The following GALNT13 variants were observed in gnomAD, a reference collection of about 807,000 sequenced individuals.
GALNT13 encodes the protein polypeptide N-acetylgalactosaminyltransferase 13, also known as UDP-GalNAc:polypeptide N-acetylgalactosaminyltransferase 13.
A neutral mutation model predicts 64.2 loss-of-function variants in GALNT13; 28 were observed. That is an observed-to-expected ratio of 0.44 (90% CI 0.32 to 0.60). GALNT13 has a LOEUF of 0.60. GALNT13 is among the 20% of genes least tolerant of loss of function. GALNT13 has a pLI of 0.05. For synonymous variants in GALNT13, 214 were observed against 224.6 expected, an observed-to-expected ratio of 0.95 and a Z score of 0.42; for missense variants, 577 against 669.8, an observed-to-expected ratio of 0.86 and a Z score of 1.53.
chr2:153,715,551 CA>C, the GALNT13 span, among the ~76,000 whole-genome samples: 10 of 152,250 alleles, frequency 6.6e-5, no homozygotes, highest in Non-Finnish European at 1.5e-4. Context: ...ACTTTAAACA[CA>C]AAGCACTTTG....
intron 3 of GALNT13, among the ~76,000 whole-genome samples, chr2:153,975,762 GT>G: frequency 6.6e-6 from 1 of 152,186 alleles, no homozygotes; most frequent in Non-Finnish European, 1.5e-5. Context: ...GGTGGCTACA[GT>G]TCAGAAAACT....
At chr2:154,230,024 G>C (rs896651711) in intron 4 of GALNT13, among the ~76,000 whole-genome samples, 1 of 152,084 alleles carries the variant, frequency 6.6e-6, no homozygotes, top group Non-Finnish European at 1.5e-5. Flanking sequence ...AATAATTTAA[G>C]GGCTTGTTGA....
At chr2:153,614,087 T>C in the GALNT13 span, among the ~76,000 whole-genome samples, 8 of 152,132 alleles carry the variant, frequency 5.3e-5, no homozygotes, top group African/African-American at 1.9e-4. Flanking sequence ...GAAGGAACTA[T>C]AAACTGAGTG....
intron 3 of GALNT13, among the ~76,000 whole-genome samples, chr2:153,991,949 A>G (rs1695187263): frequency 1.3e-5 from 2 of 152,290 alleles, no homozygotes; most frequent in Non-Finnish European, 2.9e-5. Flanking sequence ...AGAGAAATAA[A>G]TAATGTGAAA....
the GALNT13 span, among the ~76,000 whole-genome samples, chr2:153,691,563 A>T: frequency 4.8e-4 from 73 of 152,298 alleles, no homozygotes; most frequent in African/African-American, 1.8e-3. Context: ...CCTGAAAAAG[A>T]TAACCATTAG....
At chr2:154,101,451 T>C (rs919667953) in intron 3 of GALNT13, among the ~76,000 whole-genome samples, 1 of 152,170 alleles carries the variant, frequency 6.6e-6, no homozygotes, top group Admixed American at 6.6e-5. Context: ...GAAATGTTCA[T>C]AGTAGTCTTT....
At chr2:154,337,740 C>T (rs1695536285) in intron 9 of GALNT13, among the ~76,000 whole-genome samples, 1 of 151,864 alleles carries the variant, frequency 6.6e-6, no homozygotes, top group Non-Finnish European at 1.5e-5. Flanking sequence ...AAACACAAAT[C>T]TAAATTTAAC....
chr2:153,380,559 C>G, the GALNT13 span, among the ~76,000 whole-genome samples: 1 of 151,066 alleles, frequency 6.6e-6, no homozygotes, highest in East Asian at 2.0e-4. Context: ...GGACTTGATA[C>G]TGTGGATTTT....
At chr2:154,340,896 ATGAGTGTG>A (rs1238738919) in intron 9 of GALNT13, among the ~76,000 whole-genome samples, 1,454 of 60,122 alleles carry the variant, frequency 0.024, 23 homozygotes, top group African/African-American at 0.057. Context: ...CTTTGTGTGT[ATGAGTGTG>A]TGTGTGTGTG....
the GALNT13 span, among the ~76,000 whole-genome samples, chr2:153,794,186 A>C: frequency 2.0e-5 from 3 of 152,204 alleles, no homozygotes; most frequent in African/African-American, 7.2e-5. Context: ...TAGGTTAATA[A>C]ACTTTTAAAT....
chr2:153,445,982 A>G, the GALNT13 span, among the ~76,000 whole-genome samples: 2 of 152,094 alleles, frequency 1.3e-5, no homozygotes, highest in East Asian at 1.9e-4. Flanking sequence ...ATTCCTTTAT[A>G]TGTTATTTAT....
At chr2:154,185,833 C>T (rs1045351075) in intron 4 of GALNT13, among the ~76,000 whole-genome samples, 1 of 151,972 alleles carries the variant, frequency 6.6e-6, no homozygotes, top group South Asian at 2.1e-4. Context: ...GACTCCATAT[C>T]AAGGTACTTT....
chr2:153,851,949 C>T, the GALNT13 span, among the ~76,000 whole-genome samples: 4 of 151,964 alleles, frequency 2.6e-5, no homozygotes, highest in Non-Finnish European at 5.9e-5. Flanking sequence ...AGCTGTATAC[C>T]ATATGTGAAT....
the GALNT13 span, among the ~76,000 whole-genome samples, chr2:153,273,047 T>C: frequency 1.3e-5 from 2 of 152,016 alleles, no homozygotes; most frequent in African/African-American, 4.8e-5. Flanking sequence ...AACCAAACAC[T>C]GCATATTCTC....
intron 3 of GALNT13, among the ~76,000 whole-genome samples, chr2:153,986,726 A>C (rs1294790445): frequency 6.6e-6 from 1 of 151,876 alleles, no homozygotes; most frequent in African/African-American, 2.4e-5. Context: ...AAGGGCTCAG[A>C]ATGCCTACGG....
chr2:153,908,674 T>C (rs1688741478), intron 2 of GALNT13, among the ~76,000 whole-genome samples: 3 of 152,102 alleles, frequency 2.0e-5, no homozygotes, highest in South Asian at 4.1e-4. Context: ...CTTTCTTTTG[T>C]TGACTTTGTG....
chr2:154,134,093 C>T (rs1191575711), intron 3 of GALNT13, among the ~76,000 whole-genome samples: 16 of 152,086 alleles, frequency 1.1e-4, no homozygotes, highest in Admixed American at 1.0e-3. Flanking sequence ...CATTTCTATT[C>T]TCGGTTAAGG....
At chr2:153,800,045 G>GCGCTCTCTCTCTCTCTCTCTCTCTCT in the GALNT13 span, among the ~76,000 whole-genome samples, 1 of 118,930 alleles carries the variant, frequency 8.4e-6, no homozygotes, top group Non-Finnish European at 1.8e-5. Flanking sequence ...CATTTAGTTT[G>GCGCTCTCTCTCTCTCTCTCTCTCTCT]CTCTCTCTCT....
intron 4 of GALNT13, among the ~76,000 whole-genome samples, chr2:154,211,753 A>ATCGT (rs1004892161): frequency 2.6e-5 from 4 of 152,230 alleles, no homozygotes; most frequent in Non-Finnish European, 2.9e-5. Flanking sequence ...TGATGGAAAC[A>ATCGT]TCGTTATGCA....
Sources: gnomAD v4.1 joint callset for allele counts (sites outside exome capture counted in the v4.1 genomes callset) on GRCh38, gnomAD v4.1.1 for gene constraint, MANE v1.5 for transcripts, NCBI Gene and HGNC (gene_info 2026-07-23, HGNC 2026-07-21) for gene names.